Variants in TGM7 observed in about 807,000 individuals in gnomAD.
TGM7 encodes the protein protein-glutamine gamma-glutamyltransferase Z.
A neutral mutation model predicts 79.5 loss-of-function variants in TGM7; 74 were observed. That is an observed-to-expected ratio of 0.93 (90% CI 0.77 to 1.13). The LOEUF is 1.13. Among genes scored for constraint, TGM7 ranks in the 50% most tolerant of loss-of-function variants. The probability of loss-of-function intolerance (pLI) is 0.00; values close to 1 mark genes in which losing one functional copy is unlikely to be tolerated. For synonymous variants in TGM7, 354 were observed against 362.5 expected (o/e 0.98, Z 0.27); for missense variants, 912 against 905.9 (o/e 1.01, Z -0.09).
At position 43,279,857 on chromosome 15, in the gene TGM7, A is replaced by G; in HGVS notation, c.1446T>C (p.Ser482=). ...ASLPFLDLLE[S]GGLRDQPAQL... is the part of the protein sequence containing the mutation. ...GCGCTGGCTGATCCCTAAGACCCCC[A>G]GACTCCAGGAGATCCAGGAAGGGCA... The change falls in exon 10 of 13, where the codon TCT becomes TCC. Residue 482 remains serine, a synonymous_variant. Coordinates refer to ENST00000452443, the MANE Select transcript of TGM7 (RefSeq NM_052955.3). 6.2e-7 allele frequency: 1 copy of G among 1,614,234 alleles called. No individual in the cohort carries two copies. The highest frequency in any genetic ancestry group is 1.3e-5 in the African/African-American group (1 of 75,070).
At chr15:43,277,035 C>T in intron 11 of TGM7, 40 bp from the exon 12 acceptor site, 1 of 1,607,612 alleles carries the variant, frequency 6.2e-7, no homozygotes, top group Non-Finnish European at 8.5e-7. Context: ...GGCAACTGGC[C>T]TCGCTTCTGC....
intron 6 of TGM7, among the ~76,000 whole-genome samples, chr15:43,286,004 G>A (rs2042934073): frequency 6.6e-6 from 1 of 152,118 alleles, no homozygotes; most frequent in African/African-American, 2.4e-5. Flanking sequence ...CCTCCTAGGA[G>A]GGGCAGACGG....
At position 43,284,867 on chromosome 15, in the gene TGM7, C is replaced by G. The variant is rs201781549; in HGVS notation, c.951G>C (p.Thr317=). 10 of 1,614,110 alleles carry G rather than the reference C, an allele frequency of 6.2e-6. No individual in the cohort carries two copies. In the Admixed American group the frequency reaches 6.7e-5, roughly 11 times the overall value. ...GCATCTCGGCATTTCGGTCATAGTA[C>G]GTATCGATGGTCAAGTTCCTATCCA... ...HNVDRNLTID[T]YYDRNAEMLS... Residue 317 remains threonine (T), a synonymous_variant, in exon 7 of 13, where the codon ACG becomes ACC. Transcript: ENST00000452443.
chr15:43,279,265 G>A lies in TGM7; in HGVS notation c.1691C>T (p.Pro564Leu), dbSNP rs148818002. The A allele has an allele frequency of 0.046, 74,590 of 1,613,896 alleles. 2,053 individuals carry two copies. The highest frequency in any genetic ancestry group is 0.054 in the Non-Finnish European group (64,255 of 1,179,838). Residue 564 changes from proline to leucine, a missense_variant, in exon 11 of 13, where the codon CCG becomes CTG. Physicochemically the swap from Pro to Leu is moderately conservative, Grantham distance 98. Transcript: ENST00000452443. ...NLDFGKETQW[P>L]LLLPYSNYRN... is the part of the protein sequence containing the mutation. ...GTAATTGCTGTAGGGCAGGAGGAGC[G>A]GCCACTGTGTCTCTAAGCACATACA...
rs1566846767 is a variant in TGM7 at position 43,293,498 on chromosome 15, G to A, written c.144C>T (p.Ser48=). ...GQPFYLRLSF[S]RPFQSQNDHI... The stretch of plus-strand genomic sequence containing the variant: ...GGTCGTTCTGGGACTGGAAGGGTCG[G>A]CTGAAGCTCAGCCGGAGGTAGAAGG... Residue 48 remains serine (S), a synonymous_variant, in exon 2 of 13, where the codon AGC becomes AGT. Coordinates refer to ENST00000452443, the MANE Select transcript of TGM7 (RefSeq NM_052955.3). 3 of 1,611,392 alleles carry A rather than the reference G, an allele frequency of 1.9e-6. No individual in the cohort carries two copies. In the Admixed American group the frequency reaches 5.0e-5, roughly 27 times the overall value.
intron 11 of TGM7, among the ~76,000 whole-genome samples, chr15:43,278,399 A>G (rs1451031574): frequency 6.6e-6 from 1 of 152,194 alleles, no homozygotes; most frequent in Non-Finnish European, 1.5e-5. Context: ...TCTGAACTCA[A>G]AATCTGAAGT....
Position 43,293,548 on chromosome 15 carries a change from G to T in TGM7, c.94C>A (p.Arg32=), listed in dbSNP as rs549292415. ...EHHTQEMGVK[R]LTVRRGQPFY... ...GGCTGGCCGCGGCGCACAGTGAGCC[G>T]CTTGACGCCCATCTCCTGCGTGTGG... The change falls in exon 2 of 13, where the codon CGG becomes AGG. Residue 32 remains arginine, a synonymous_variant. Coordinates refer to ENST00000452443, the MANE Select transcript of TGM7 (RefSeq NM_052955.3). 4.3e-6 allele frequency: 7 copies of T among 1,609,366 alleles called. No homozygotes were observed. The highest frequency in any genetic ancestry group is 4.5e-5 in the East Asian group (2 of 44,786).
At chr15:43,277,141 G>A in intron 11 of TGM7, 146 bp from the exon 12 acceptor site, 2 of 1,024,438 alleles carry the variant, frequency 2.0e-6, no homozygotes, top group Non-Finnish European at 1.4e-6. Context: ...AGGAATGTGA[G>A]CTGAGAGTAC....
intron 8 of TGM7, 104 bp from the exon 9 acceptor site, chr15:43,282,190 G>C: frequency 6.7e-7 from 1 of 1,481,850 alleles, no homozygotes; most frequent in Non-Finnish European, 9.1e-7. Flanking sequence ...CTCACCCGTG[G>C]GATATCTTCC....
intron 3 of TGM7, 37 bp downstream of exon 3, chr15:43,292,672 G>C (rs1235107633): frequency 1.2e-6 from 2 of 1,608,106 alleles, no homozygotes; most frequent in South Asian, 2.2e-5. Flanking sequence ...CTTCCCAATG[G>C]ATCAGGTTAG....
chr15:43,282,080 A>G lies in TGM7; in HGVS notation c.1115T>C (p.Phe372Ser). Reference protein sequence around the residue: ...PTPQQTSSGLFCCGPASVKAI... With the variant: ...PTPQQTSSGLSCCGPASVKAI... ...CTTCACAGAGGCAGGGCCACAGCAG[A>G]ACAGCCCTGTGGAGGCAACAGGCTA... is the stretch of plus-strand genomic sequence containing the variant. Residue 372 changes from phenylalanine to serine, a missense_variant, in exon 9 of 13, where the codon TTC becomes TCC. By Grantham distance (155) the Phe-to-Ser change is radical (BLOSUM62 -2). Coordinates refer to ENST00000452443, the MANE Select transcript of TGM7 (RefSeq NM_052955.3). 1 of 1,614,048 alleles carries G rather than the reference A, an allele frequency of 6.2e-7. No individual in the cohort carries two copies. The highest frequency in any genetic ancestry group is 8.5e-7 in the Non-Finnish European group (1 of 1,179,976).
chr15:43,289,526 G>A (rs1383207039), intron 4 of TGM7, among the ~76,000 whole-genome samples: 3 of 152,090 alleles, frequency 2.0e-5, no homozygotes, highest in Admixed American at 6.6e-5. Context: ...ATAAACATAC[G>A]TGTGCATGTG....
intron 6 of TGM7, among the ~76,000 whole-genome samples, 157 bp downstream of exon 6, chr15:43,287,123 G>A (rs959511171): frequency 6.6e-6 from 1 of 152,200 alleles, no homozygotes; most frequent in Non-Finnish European, 1.5e-5. Flanking sequence ...AAATGCACAG[G>A]ATCCCTCGAG....
rs777671234 is a variant in TGM7 at position 43,281,834 on chromosome 15, C to T, written c.1351+10G>A. On this transcript the variant is annotated intron_variant, in intron 9 of 12. Transcript: ENST00000452443. ...TAAAGCAGCCCTTTCCCCAAATACC[C>T]GCCCAGCACCTTCTGGGTACTTGTA... 6.2e-6 allele frequency: 10 copies of T among 1,611,284 alleles called. No individual in the cohort carries two copies. In the East Asian group the frequency reaches 6.7e-5, roughly 11 times the overall value.
At position 43,292,926 on chromosome 15, in the gene TGM7, G is replaced by A; in HGVS notation, c.222C>T (p.Thr74=). 3 of 1,613,460 alleles carry A rather than the reference G, an allele frequency of 1.9e-6. No individual in the cohort carries two copies. The highest frequency in any genetic ancestry group is 2.5e-6 in the Non-Finnish European group (3 of 1,179,904). The part of the protein sequence containing the change: ...TGPKPSELLG[T]RATFFLTRVQ... ...CCCGGGTGAGGAAGAATGTGGCTCG[G>A]GTCCCCAGCAGCTCTGACGGCTTGG... The change falls in exon 3 of 13, where the codon ACC becomes ACT. Residue 74 remains threonine (T), a synonymous_variant. Coordinates refer to ENST00000452443, the MANE Select transcript of TGM7 (RefSeq NM_052955.3).
chr15:43,282,099 C>A lies in TGM7; in HGVS notation c.1109-13G>T. On this transcript the variant is annotated splice_polypyrimidine_tract_variant and intron_variant, in intron 8 of 12. Transcript: ENST00000452443. ...CAGCAGAACAGCCCTGTGGAGGCAA[C>A]AGGCTACTGATATGGGGGCCAGGGG... 2 of 1,613,194 alleles carry A rather than the reference C, an allele frequency of 1.2e-6. No individual in the cohort carries two copies. The highest frequency in any genetic ancestry group is 1.7e-6 in the Non-Finnish European group (2 of 1,179,380).
chr15:43,296,331 A>G (rs544769344), intron 1 of TGM7, among the ~76,000 whole-genome samples: 4 of 150,270 alleles, frequency 2.7e-5, no homozygotes, highest in Non-Finnish European at 5.9e-5. Context: ...AGGCTGAGGC[A>G]GGAGAATGGC....
intron 1 of TGM7, among the ~76,000 whole-genome samples, chr15:43,297,173 A>T (rs1030402665): frequency 6.6e-6 from 1 of 152,144 alleles, no homozygotes; most frequent in African/African-American, 2.4e-5. Flanking sequence ...AAAAGGAGAC[A>T]GGCCGGGCAC....
intron 4 of TGM7, among the ~76,000 whole-genome samples, chr15:43,289,525 C>T (rs1319651911): frequency 1.3e-5 from 2 of 152,086 alleles, no homozygotes; most frequent in Non-Finnish European, 2.9e-5. Context: ...AATAAACATA[C>T]GTGTGCATGT....
Sources: gnomAD v4.1 joint callset for allele counts (sites outside exome capture counted in the v4.1 genomes callset) on GRCh38, gnomAD v4.1.1 for gene constraint, MANE v1.5 for transcripts, NCBI Gene and HGNC (gene_info 2026-07-23, HGNC 2026-07-21) for gene names.